The following ESRRG variants were observed in gnomAD, a reference collection of about 807,000 sequenced individuals.
ESRRG encodes the protein estrogen-related receptor gamma.
ESRRG carries 13 observed loss-of-function variants against 44.0 expected under a neutral mutation model. The observed-to-expected ratio is 0.30, with a 90% confidence interval of 0.19 to 0.47. ESRRG has a LOEUF of 0.47. ESRRG is among the 20% of genes least tolerant of loss of function. ESRRG has a pLI of 1.00. For synonymous variants in ESRRG, 215 were observed against 214.6 expected (o/e 1.00, Z -0.02); for missense variants, 395 against 580.6 (o/e 0.68, Z 3.29).
chr1:217,001,752 C>T (rs987204247), intron 1 of ESRRG, among the ~76,000 whole-genome samples: 11 of 152,160 alleles, frequency 7.2e-5, no homozygotes, highest in African/African-American at 2.7e-4. Context: ...GGCCGGTTCA[C>T]ATAAGGCTTT....
At chr1:216,833,624 A>G (rs2095519800) in intron 2 of ESRRG, among the ~76,000 whole-genome samples, 1 of 152,220 alleles carries the variant, frequency 6.6e-6, no homozygotes, top group Non-Finnish European at 1.5e-5. Context: ...AGAGCAGCCA[A>G]TAGATACCGC....
intron 2 of ESRRG, among the ~76,000 whole-genome samples, chr1:216,878,622 G>A (rs146878775): frequency 1.3e-5 from 2 of 152,162 alleles, no homozygotes; most frequent in East Asian, 3.9e-4. Context: ...CCTCCATGTA[G>A]TAACATTTTC....
chr1:216,790,535 G>A (rs1273419324), intron 2 of ESRRG, among the ~76,000 whole-genome samples: 2 of 152,128 alleles, frequency 1.3e-5, no homozygotes, highest in Non-Finnish European at 2.9e-5. Flanking sequence ...ATGAATCTTA[G>A]TAAGGTTTGG....
chr1:216,976,629 A>C (rs201092182), intron 1 of ESRRG, among the ~76,000 whole-genome samples: 4 of 152,202 alleles, frequency 2.6e-5, no homozygotes, highest in Admixed American at 1.3e-4. Context: ...GGTAGCATTC[A>C]TCTCTTCATT....
chr1:216,893,571 A>G (rs1318194608), intron 2 of ESRRG, among the ~76,000 whole-genome samples: 1 of 152,144 alleles, frequency 6.6e-6, no homozygotes, highest in East Asian at 1.9e-4. Flanking sequence ...GCAAGCAGTA[A>G]GCCATCAATA....
At chr1:217,133,661 T>TCTCTC (rs1558298499) in intron 1 of ESRRG, among the ~76,000 whole-genome samples, 4 of 142,822 alleles carry the variant, frequency 2.8e-5, no homozygotes, top group African/African-American at 1.1e-4. Context: ...CTTTCTTTCT[T>TCTCTC]TCTTTCTTTC....
intron 5 of ESRRG, among the ~76,000 whole-genome samples, chr1:216,547,252 G>A (rs2054801474): frequency 7.4e-6 from 1 of 135,520 alleles, no homozygotes; most frequent in Admixed American, 7.8e-5. Context: ...TGTTGATGTT[G>A]TTGATGATGA....
At chr1:216,629,513 A>G (rs1377887090) in intron 3 of ESRRG, among the ~76,000 whole-genome samples, 1 of 152,212 alleles carries the variant, frequency 6.6e-6, no homozygotes, top group Non-Finnish European at 1.5e-5. Flanking sequence ...TAACTCCAAT[A>G]TCTAAGTCAC....
chr1:217,099,145 C>T (rs931631294), intron 1 of ESRRG, among the ~76,000 whole-genome samples: 1 of 152,188 alleles, frequency 6.6e-6, no homozygotes, highest in Non-Finnish European at 1.5e-5. Context: ...AGAAAAGTGC[C>T]TGGCACAGAG....
intron 2 of ESRRG, 139 bp downstream of exon 2, chr1:216,676,937 A>G (rs189706168): frequency 6.3e-6 from 4 of 638,194 alleles, no homozygotes; most frequent in East Asian, 2.7e-5. Context: ...TCCACTATCA[A>G]TTGTAATCTA....
intron 1 of ESRRG, among the ~76,000 whole-genome samples, chr1:217,065,220 T>A (rs2089430607): frequency 6.6e-6 from 1 of 152,214 alleles, no homozygotes; most frequent in Admixed American, 6.5e-5. Flanking sequence ...GATGGCAACT[T>A]AGGTTTCATA....
At chr1:216,648,359 C>T (rs989129935) in intron 3 of ESRRG, among the ~76,000 whole-genome samples, 12 of 151,936 alleles carry the variant, frequency 7.9e-5, no homozygotes, top group African/African-American at 2.7e-4. Flanking sequence ...ATTTTGCCAT[C>T]GAAGTGGGCA....
intron 6 of ESRRG, among the ~76,000 whole-genome samples, chr1:216,516,137 A>ATAAT (rs760689643): frequency 1.3e-5 from 2 of 152,166 alleles, no homozygotes; most frequent in East Asian, 3.9e-4. Flanking sequence ...CAGAGATGTA[A>ATAAT]TAATTACTCA....
intron 1 of ESRRG, among the ~76,000 whole-genome samples, chr1:216,699,777 C>G (rs2081022530): frequency 6.6e-6 from 1 of 152,162 alleles, no homozygotes; most frequent in Non-Finnish European, 1.5e-5. Flanking sequence ...CAAATTACCT[C>G]TTGCTGAAAA....
intron 5 of ESRRG, among the ~76,000 whole-genome samples, chr1:216,550,562 G>A (rs1258533851): frequency 6.6e-6 from 1 of 152,084 alleles, no homozygotes; most frequent in South Asian, 2.1e-4. Flanking sequence ...GGGATGCTAA[G>A]AGCTTGATAA....
At chr1:216,704,558 A>C (rs2082084860) in intron 1 of ESRRG, among the ~76,000 whole-genome samples, 1 of 152,180 alleles carries the variant, frequency 6.6e-6, no homozygotes, top group African/African-American at 2.4e-5. Context: ...AAAAAGATCT[A>C]GTAAATTCTA....
At chr1:216,980,602 T>A (rs891440107) in intron 1 of ESRRG, among the ~76,000 whole-genome samples, 24 of 152,148 alleles carry the variant, frequency 1.6e-4, no homozygotes, top group African/African-American at 5.3e-4. Flanking sequence ...CCAGGATCAC[T>A]GCAATAGCCT....
rs183981137 is a variant in ESRRG, at chr1:216,562,208, G to A, written c.862+2011C>T. Among the ~76,000 whole-genome samples the A allele has an allele frequency of 1.4e-4, 21 of 152,194 alleles. No homozygotes were observed. In the East Asian group the frequency reaches 3.9e-3, roughly 28 times the overall value. On this transcript the variant is annotated intron_variant, in intron 5 of 6. Coordinates refer to ENST00000408911, the MANE Select transcript of ESRRG (RefSeq NM_001438.4). ...AGGGACAACTTGAGCAGAACTCTCC[G>A]AAATAATGGGTGGTTTGGAACCATA...
chr1:216,661,566 A>G (rs374124615), intron 2 of ESRRG, among the ~76,000 whole-genome samples: 10 of 152,336 alleles, frequency 6.6e-5, no homozygotes, highest in African/African-American at 2.4e-4. Flanking sequence ...GTACAAGTCC[A>G]TATGACCAGT....
Sources: gnomAD v4.1 joint callset for allele counts (sites outside exome capture counted in the v4.1 genomes callset) on GRCh38, gnomAD v4.1.1 for gene constraint, MANE v1.5 for transcripts, NCBI Gene and HGNC (gene_info 2026-07-23, HGNC 2026-07-21) for gene names.